RPS6KA2: variants seen among roughly 807,000 people sequenced by gnomAD.
The protein encoded by RPS6KA2 is ribosomal protein S6 kinase alpha-2.
A neutral mutation model predicts 91.8 loss-of-function variants in RPS6KA2; 42 were observed. The ratio of observed to expected loss-of-function variants is 0.46; its 90% CI spans 0.36 to 0.59. The LOEUF (loss-of-function observed/expected upper bound fraction) is 0.59, where lower values mean the gene tolerates loss of function less well. Among genes scored for constraint, RPS6KA2 ranks in the 20% least tolerant of loss-of-function variants. RPS6KA2 has a pLI of 0.00. For missense variants in RPS6KA2, 798 were observed against 978.5 expected, an observed-to-expected ratio of 0.82 and a Z score of 2.46; for synonymous variants, 414 against 393.6, an observed-to-expected ratio of 1.05 and a Z score of -0.61.
intron 1 of RPS6KA2, among the ~76,000 whole-genome samples, chr6:166,546,395 A>C (rs558736119): frequency 6.6e-6 from 1 of 151,936 alleles, no homozygotes. Flanking sequence ...CCAGGTAAAA[A>C]CCCGGTGACA....
Position 166,751,583 on chromosome 6 carries a change from G to A in RPS6KA2, c.123+106617C>T, listed in dbSNP as rs112231935. ...CTCTGCTGGCCTAGGTGTCTGGAAC[G>A]GCTGGGCCGCCACTGGAGCCGTGGA... On this transcript the variant is annotated intron_variant, in intron 2 of 21. Coordinates refer to the RPS6KA2 transcript ENST00000503859. 1.1e-3 allele frequency among the ~76,000 whole-genome samples: 169 copies of A among 152,364 alleles called. 1 individual carries two copies. The highest frequency in any genetic ancestry group is 3.9e-3 in the African/African-American group (162 of 41,584).
At chr6:166,491,421 A>G (rs1026989971) in intron 8 of RPS6KA2, among the ~76,000 whole-genome samples, 4 of 152,082 alleles carry the variant, frequency 2.6e-5, no homozygotes, top group African/African-American at 9.7e-5. Flanking sequence ...GATTACACAC[A>G]CTCTGGAAGC....
chr6:166,746,205 C>T (rs562502764), intron 2 of RPS6KA2, among the ~76,000 whole-genome samples: 2 of 152,250 alleles, frequency 1.3e-5, no homozygotes, highest in South Asian at 4.1e-4. Flanking sequence ...GCAGGCAAGG[C>T]CATGTGATAA....
rs917718170 is a variant in RPS6KA2 at position 166,767,970 on chromosome 6, T to C, written c.123+90230A>G. Among the ~76,000 whole-genome samples the C allele has an allele frequency of 2.0e-5, 3 of 152,190 alleles. No individual in the cohort carries two copies. The highest frequency in any genetic ancestry group is 6.5e-5 in the Admixed American group (1 of 15,286). On this transcript the variant is annotated intron_variant, in intron 2 of 21. Transcript: ENST00000503859. The surrounding 1 kb of genome is among the most constrained non-coding windows in gnomAD (Gnocchi z 4.6). ...TGTCCCCACATGTAAAATCGCTACCTTGGCCACCACTGCACCATAACAAGA... is the reference window on the plus strand; with the variant it reads ...TGTCCCCACATGTAAAATCGCTACCCTGGCCACCACTGCACCATAACAAGA...
chr6:166,604,286 C>T (rs12333313), intron 1 of RPS6KA2, among the ~76,000 whole-genome samples: 7,167 of 151,814 alleles, frequency 0.047, 562 homozygotes, highest in African/African-American at 0.16. Flanking sequence ...CATAACAGCT[C>T]ACTAATAAAA....
intron 2 of RPS6KA2, among the ~76,000 whole-genome samples, chr6:166,534,832 G>C (rs935058439): frequency 1.4e-4 from 21 of 152,256 alleles, no homozygotes; most frequent in African/African-American, 4.8e-4. Flanking sequence ...TCCTGCAGCA[G>C]GTGCTGCCTG....
intron 3 of RPS6KA2, among the ~76,000 whole-genome samples, chr6:166,512,254 G>A (rs1030532262): frequency 1.3e-5 from 2 of 152,190 alleles, no homozygotes; most frequent in Non-Finnish European, 2.9e-5. Flanking sequence ...ACTTATAAGA[G>A]TTGCCCAGAG....
intron 2 of RPS6KA2, among the ~76,000 whole-genome samples, chr6:166,681,691 C>CCG (rs1554247144): frequency 2.0e-4 from 5 of 25,264 alleles, no homozygotes; most frequent in African/African-American, 3.1e-4. Flanking sequence ...CCCCTGCCCG[C>CCG]CCCCCCCCCC....
intron 1 of RPS6KA2, among the ~76,000 whole-genome samples, chr6:166,600,876 A>C (rs988437266): frequency 7.9e-5 from 12 of 152,260 alleles, no homozygotes; most frequent in Non-Finnish European, 1.5e-4. Flanking sequence ...TTTTAAACTC[A>C]GTCATTCTTA....
At chr6:166,703,495 C>G (rs767050063) in intron 2 of RPS6KA2, among the ~76,000 whole-genome samples, 6 of 152,214 alleles carry the variant, frequency 3.9e-5, no homozygotes, top group Non-Finnish European at 8.8e-5. Flanking sequence ...CCACATCAGT[C>G]AGATAGAGAT....
At chr6:166,692,679 T>C (rs1254221532) in intron 2 of RPS6KA2, among the ~76,000 whole-genome samples, 1 of 152,168 alleles carries the variant, frequency 6.6e-6, no homozygotes, top group African/African-American at 2.4e-5. Context: ...TGCCAAATAA[T>C]AACTAACTGG....
chr6:166,605,330 A>G (rs550593172), intron 1 of RPS6KA2, among the ~76,000 whole-genome samples: 1 of 152,280 alleles, frequency 6.6e-6, no homozygotes, highest in African/African-American at 2.4e-5. Flanking sequence ...TTATCTCCTT[A>G]ATTAGATTAC....
At chr6:166,582,395 G>C (rs577623261) in intron 1 of RPS6KA2, among the ~76,000 whole-genome samples, 1 of 152,358 alleles carries the variant, frequency 6.6e-6, no homozygotes, top group East Asian at 1.9e-4. Context: ...GAGTGAACAT[G>C]TGTTAAATGA....
At chr6:166,530,888 G>A (rs1038510808) in intron 3 of RPS6KA2, among the ~76,000 whole-genome samples, 7 of 152,200 alleles carry the variant, frequency 4.6e-5, no homozygotes, top group African/African-American at 9.6e-5. Context: ...TGAGGCCGTC[G>A]GCCTGCCGGT....
In RPS6KA2 at chr6:166,849,121, C is replaced by T. The variant is rs1234967928; in HGVS notation, c.123+9079G>A. Among the ~76,000 whole-genome samples, 1 of 152,098 alleles carries T rather than the reference C, an allele frequency of 6.6e-6. No homozygotes were observed. Among genetic ancestry groups the T allele is most frequent in the Non-Finnish European group, 1.5e-5 (1 of 68,026 alleles). The stretch of plus-strand genomic sequence containing the variant: ...CCTGCACATGGTTCCTGAAGCCAAG[C>T]CCAGCTGAGGCTTCCTTGGTCCGGC... On this transcript the variant is annotated intron_variant, in intron 2 of 21. Coordinates refer to the RPS6KA2 transcript ENST00000503859. The surrounding 1 kb of genome is among the most constrained non-coding windows in gnomAD (Gnocchi z 4.9).
intron 2 of RPS6KA2, among the ~76,000 whole-genome samples, chr6:166,832,309 G>T (rs995462142): frequency 6.6e-6 from 1 of 152,052 alleles, no homozygotes; most frequent in African/African-American, 2.4e-5. Context: ...TGAGGAAGTT[G>T]GGGGGGAAGC....
intron 3 of RPS6KA2, among the ~76,000 whole-genome samples, chr6:166,515,536 A>G (rs1476067478): frequency 6.6e-6 from 1 of 152,164 alleles, no homozygotes; most frequent in Non-Finnish European, 1.5e-5. Context: ...CAGAGAGGAC[A>G]CTCTGAAGGG....
intron 2 of RPS6KA2, among the ~76,000 whole-genome samples, chr6:166,803,318 A>T (rs1779416034): frequency 6.6e-6 from 1 of 152,238 alleles, no homozygotes; most frequent in Non-Finnish European, 1.5e-5. Flanking sequence ...TGTAAGTTTC[A>T]TTGTTACCCA....
chr6:166,539,209 C>T (rs891388966), intron 1 of RPS6KA2, among the ~76,000 whole-genome samples: 9 of 152,224 alleles, frequency 5.9e-5, no homozygotes, highest in Admixed American at 4.6e-4. Context: ...TGAGCCACCC[C>T]GCCCGGCCCA....
Sources: allele counts gnomAD v4.1 joint callset (sites outside exome capture counted in the v4.1 genomes callset), GRCh38; gene constraint gnomAD v4.1.1; non-coding constraint Gnocchi (gnomAD v3.1); transcripts MANE v1.5; gene names NCBI Gene and HGNC (gene_info 2026-07-23, HGNC 2026-07-21).